STARD13: variants seen among roughly 807,000 people sequenced by gnomAD.
The protein encoded by STARD13 is stAR-related lipid transfer protein 13.
Under a neutral mutation model 106.4 loss-of-function variants are expected in STARD13, and 62 were observed. The observed-to-expected ratio is 0.58, with a 90% CI of 0.48 to 0.72. STARD13 has a LOEUF of 0.72. Ranked by LOEUF, STARD13 falls within the 30% of genes least tolerant of loss-of-function variation. STARD13 has a pLI of 0.00. For missense variants in STARD13, 1,387 were observed against 1,424.0 expected, an observed-to-expected ratio of 0.97 and a Z score of 0.42; for synonymous variants, 565 against 553.0, an observed-to-expected ratio of 1.02 and a Z score of -0.31.
At chr13:33,603,325 C>T in the STARD13 span, among the ~76,000 whole-genome samples, 1,585 of 152,278 alleles carry the variant, frequency 0.01, 30 homozygotes, top group African/African-American at 0.036. Flanking sequence ...CTTGGCAATA[C>T]TCGTTGTCTC....
At chr13:33,401,858 T>C in the STARD13 span, among the ~76,000 whole-genome samples, 2 of 152,236 alleles carry the variant, frequency 1.3e-5, no homozygotes, top group South Asian at 4.1e-4. Flanking sequence ...TTAAACTTCA[T>C]CTTTGTGGGT....
the STARD13 span, among the ~76,000 whole-genome samples, chr13:33,578,529 C>T: frequency 7.2e-5 from 11 of 151,972 alleles, no homozygotes; most frequent in South Asian, 2.1e-4. Flanking sequence ...AAATCTAAGA[C>T]GTGAAACCAT....
chr13:33,217,980 AT>A (rs869289550), intron 1 of STARD13, among the ~76,000 whole-genome samples: 1 of 121,498 alleles, frequency 8.2e-6, no homozygotes, highest in African/African-American at 4.0e-5. Flanking sequence ...AGCAGACTAT[AT>A]TACACACACA....
At chr13:33,155,899 TAAAG>T (rs1593990452) in intron 3 of STARD13, among the ~76,000 whole-genome samples, 1 of 152,210 alleles carries the variant, frequency 6.6e-6, no homozygotes, top group East Asian at 1.9e-4. Context: ...GCTGTACCAA[TAAAG>T]ACAGGCAGCA....
chr13:33,398,509 A>G, the STARD13 span, among the ~76,000 whole-genome samples: 2 of 152,244 alleles, frequency 1.3e-5, no homozygotes, highest in Non-Finnish European at 2.9e-5. Flanking sequence ...ATTGTTAAAA[A>G]AGTAGAAAGC....
At chr13:33,237,059 A>G (rs956240655) in intron 1 of STARD13, among the ~76,000 whole-genome samples, 1 of 98,560 alleles carries the variant, frequency 1.0e-5, no homozygotes, top group Non-Finnish European at 2.3e-5. Context: ...TACTTTCCCC[A>G]AAGATCTACA....
chr13:33,604,474 G>A, the STARD13 span, among the ~76,000 whole-genome samples: 1 of 152,122 alleles, frequency 6.6e-6, no homozygotes, highest in African/African-American at 2.4e-5. Flanking sequence ...AGCAATACTG[G>A]AGGCTAGAAA....
At chr13:33,225,844 C>A (rs1888599093) in intron 1 of STARD13, among the ~76,000 whole-genome samples, 1 of 151,976 alleles carries the variant, frequency 6.6e-6, no homozygotes, top group Non-Finnish European at 1.5e-5. Context: ...ACTGAAGTAA[C>A]ACTTGCACCA....
intron 1 of STARD13, among the ~76,000 whole-genome samples, chr13:33,298,407 G>A (rs1451104847): frequency 1.3e-5 from 2 of 151,460 alleles, no homozygotes; most frequent in African/African-American, 4.9e-5. Flanking sequence ...AAAGTGCTGG[G>A]ATTACAGGCG....
chr13:33,424,871 C>T, the STARD13 span, among the ~76,000 whole-genome samples: 326 of 152,286 alleles, frequency 2.1e-3, no homozygotes, highest in African/African-American at 7.5e-3. Context: ...TCAAAATAGA[C>T]ATAGTCTGAC....
chr13:33,130,350 G>T lies in STARD13; in HGVS notation c.388-61C>A. 2 of 1,525,494 alleles carry T rather than the reference G, an allele frequency of 1.3e-6. No homozygotes were observed. The highest frequency in any genetic ancestry group is 1.8e-6 in the Non-Finnish European group (2 of 1,130,094). 94.5% of individuals were successfully genotyped at this position (1,525,494 alleles called of 1,614,324 possible). ...AGCGTGGCTGAAGCAGGAACTCTGG[G>T]TGCTCTGAGGGCAGCCCTGTGTGGT... On this transcript the variant is annotated intron_variant, in intron 4 of 13. Transcript: ENST00000336934. The surrounding 1 kb of genome is among the most constrained non-coding windows in gnomAD (Gnocchi z 4.1).
At chr13:33,582,381 A>G in the STARD13 span, among the ~76,000 whole-genome samples, 1 of 152,208 alleles carries the variant, frequency 6.6e-6, no homozygotes, top group South Asian at 2.1e-4. Flanking sequence ...AGTTGGAATC[A>G]TATGGTCTGT....
intron 1 of STARD13, among the ~76,000 whole-genome samples, chr13:33,211,742 A>T (rs11839472): frequency 0.025 from 3,858 of 152,220 alleles, 156 homozygotes; most frequent in African/African-American, 0.085. Flanking sequence ...TTTTAAAATA[A>T]CATATTTTTC....
At chr13:33,110,158 G>T (rs1180902715) in intron 11 of STARD13, 68 bp from the exon 12 acceptor site, 13 of 1,463,502 alleles carry the variant, frequency 8.9e-6, no homozygotes, top group South Asian at 2.4e-5. Context: ...TTTTGTTTGG[G>T]CTTTTAGTTT....
the STARD13 span, among the ~76,000 whole-genome samples, chr13:33,518,973 C>T: frequency 6.6e-6 from 1 of 152,112 alleles, no homozygotes; most frequent in Non-Finnish European, 1.5e-5. Flanking sequence ...AGATTCTCTG[C>T]TTGACCAAAC....
chr13:33,535,626 G>T, the STARD13 span, among the ~76,000 whole-genome samples: 2 of 152,140 alleles, frequency 1.3e-5, no homozygotes, highest in African/African-American at 4.8e-5. Context: ...CAAAGGAGGA[G>T]AAAGTTCTTA....
At chr13:33,112,575 GATCT>G (rs906555637) in intron 9 of STARD13, 142 bp downstream of exon 9, 16 of 653,702 alleles carry the variant, frequency 2.4e-5, no homozygotes, top group African/African-American at 1.6e-4. Context: ...ACCTATCGTT[GATCT>G]ATCTACCTAC....
chr13:33,347,735 A>T (rs137894422), downstream of STARD13, among the ~76,000 whole-genome samples: 39 of 152,306 alleles, frequency 2.6e-4, no homozygotes, highest in African/African-American at 9.1e-4. Context: ...TCTATGATTT[A>T]CACTTGATTC....
At chr13:33,628,613 A>G in the STARD13 span, among the ~76,000 whole-genome samples, 1 of 152,194 alleles carries the variant, frequency 6.6e-6, no homozygotes, top group Non-Finnish European at 1.5e-5. Flanking sequence ...GAAGGACTGA[A>G]GTAGGAAGGC....
Sources: allele counts gnomAD v4.1 joint callset (sites outside exome capture counted in the v4.1 genomes callset), GRCh38; gene constraint gnomAD v4.1.1; non-coding constraint Gnocchi (gnomAD v3.1); transcripts MANE v1.5; gene names NCBI Gene and HGNC (gene_info 2026-07-23, HGNC 2026-07-21).